The following TMEM268 variants were observed in gnomAD, a reference collection of about 807,000 sequenced individuals.
TMEM268 encodes the protein transmembrane protein C9orf91.
Under a neutral mutation model 39.1 loss-of-function variants are expected in TMEM268, and 24 were observed. The ratio of observed to expected loss-of-function variants is 0.61; its 90% CI spans 0.44 to 0.86. The LOEUF (loss-of-function observed/expected upper bound fraction) is 0.86. TMEM268 is among the 40% of genes least tolerant of loss of function. The pLI is 0.00. For synonymous variants in TMEM268, 176 were observed against 173.5 expected (o/e 1.01, Z -0.12); for missense variants, 409 against 428.6 (o/e 0.95, Z 0.40).
At chr9:114,625,263 A>G (rs768111970) in intron 3 of TMEM268, among the ~76,000 whole-genome samples, 1 of 152,104 alleles carries the variant, frequency 6.6e-6, no homozygotes, top group East Asian at 1.9e-4. Context: ...TGCTCAATAC[A>G]TTGTAGCTAT....
In TMEM268 at chr9:114,617,209, C is replaced by G; in HGVS notation, c.14C>G (p.Pro5Arg). ...TGGCGCCCTGCCATGGCCTGTGAAC[C>G]ACAGGTGGACCCGGGGGCCACTGGC... is the stretch of plus-strand genomic sequence containing the variant. MACE[P>R]QVDPGATGPL... Residue 5 changes from proline (P) to arginine (R), a missense_variant, in exon 2 of 9, where the codon CCA becomes CGA. Pro to Arg is a moderately radical substitution (Grantham distance 103). Transcript: ENST00000288502. The G allele has an allele frequency of 6.2e-7, 1 of 1,607,504 alleles. No homozygotes were observed. Among genetic ancestry groups the G allele is most frequent in the Non-Finnish European group, 8.5e-7 (1 of 1,177,432 alleles).
chr9:114,606,232 A>G (rs1462512441), upstream of TMEM268, among the ~76,000 whole-genome samples: 1 of 152,178 alleles, frequency 6.6e-6, no homozygotes, highest in Non-Finnish European at 1.5e-5. Flanking sequence ...GTGTAGAAAC[A>G]GATCCCTGAC....
Position 114,643,372 on chromosome 9 carries a change from GC to G in TMEM268, c.*62del, listed in dbSNP as rs1197342868. 2.7e-6 allele frequency: 4 copies of G among 1,499,450 alleles called. No homozygotes were observed. The African/African-American group carries it at 5.5e-5, about 21-fold the overall frequency. 92.9% of individuals were successfully genotyped at this position (1,499,450 alleles called of 1,614,324 possible). ...CTGAGCAGTCAGGAAGGCTTCAGGA[GC>G]CCAAGATGGCCAATGGGGAGCCCCA... is the stretch of plus-strand genomic sequence containing the variant. On this transcript the variant is annotated 3_prime_UTR_variant, in exon 9 of 9. Coordinates refer to ENST00000288502, the MANE Select transcript of TMEM268 (RefSeq NM_153045.4).
chr9:114,625,234 G>T (rs1412855469), intron 3 of TMEM268, among the ~76,000 whole-genome samples: 1 of 152,092 alleles, frequency 6.6e-6, no homozygotes, highest in Non-Finnish European at 1.5e-5. Flanking sequence ...CCCTGGCATT[G>T]TCTCTAGTAT....
At chr9:114,629,670 C>G (rs1423026935) in intron 5 of TMEM268, among the ~76,000 whole-genome samples, 1 of 152,220 alleles carries the variant, frequency 6.6e-6, no homozygotes, top group Non-Finnish European at 1.5e-5. Context: ...TGTCTTTCCA[C>G]CTACTTGGGA....
intron 6 of TMEM268, among the ~76,000 whole-genome samples, chr9:114,635,913 A>G (rs892030899): frequency 2.6e-5 from 4 of 152,192 alleles, no homozygotes; most frequent in Non-Finnish European, 5.9e-5. Flanking sequence ...CTACTTCTGA[A>G]TATGCTAGGA....
chr9:114,627,109 G>A, intron 4 of TMEM268, 103 bp downstream of exon 4: 1 of 792,654 alleles, frequency 1.3e-6, no homozygotes, highest in African/African-American at 1.7e-5. Context: ...TCAGGGGCTT[G>A]GGGGCTGTTG....
At chr9:114,619,868 CT>C (rs34823015) in intron 2 of TMEM268, among the ~76,000 whole-genome samples, 2,327 of 151,064 alleles carry the variant, frequency 0.015, 75 homozygotes, top group Admixed American at 0.069. Context: ...TATTGTCTGC[CT>C]TTTTTTTTGT....
chr9:114,624,238 G>C (rs1185823160), intron 2 of TMEM268, 112 bp from the exon 3 acceptor site: 2 of 1,494,084 alleles, frequency 1.3e-6, no homozygotes, highest in East Asian at 5.2e-5. Context: ...GTCCCTCCTT[G>C]TTGCGAGGAG....
chr9:114,630,069 G>T (rs1408854651), intron 5 of TMEM268, among the ~76,000 whole-genome samples: 1 of 152,192 alleles, frequency 6.6e-6, no homozygotes, highest in Non-Finnish European at 1.5e-5. Flanking sequence ...GGTGCTTCGA[G>T]GATGTGGATG....
intron 5 of TMEM268, 35 bp downstream of exon 5, chr9:114,628,285 C>T (rs1480031202): frequency 6.2e-7 from 1 of 1,607,590 alleles, no homozygotes; most frequent in Admixed American, 1.7e-5. Flanking sequence ...ACACTCTCTC[C>T]AGAAGAGCGG....
At chr9:114,629,625 C>G (rs1357720524) in intron 5 of TMEM268, among the ~76,000 whole-genome samples, 1 of 152,222 alleles carries the variant, frequency 6.6e-6, no homozygotes, top group Non-Finnish European at 1.5e-5. Flanking sequence ...ATTTAGACAT[C>G]TTTGGGGACC....
At position 114,628,108 on chromosome 9, in the gene TMEM268, A is replaced by C; in HGVS notation, c.332A>C (p.Tyr111Ser). 1 of 1,613,440 alleles carries C rather than the reference A, an allele frequency of 6.2e-7. No homozygotes were observed. The highest frequency in any genetic ancestry group is 8.5e-7 in the Non-Finnish European group (1 of 1,179,444). The change falls in exon 5 of 9, where the codon TAT (tyrosine) becomes TCT (serine). Residue 111 changes from tyrosine (Y) to serine (S), a missense_variant. Tyr to Ser is a moderately radical substitution (Grantham distance 144). Transcript: ENST00000288502. ...CTGTCTGGCATCTTGCAGGTTTTCTATGTGGTGGTGTGGGCCAATATCTAC... is the reference window on the plus strand; with the variant it reads ...CTGTCTGGCATCTTGCAGGTTTTCTCTGTGGTGGTGTGGGCCAATATCTAC... Reference protein sequence around the residue: ...PMRLAFAVVFYVVVWANIYST... With the variant: ...PMRLAFAVVFSVVVWANIYST...
At chr9:114,623,424 G>A (rs536841247) in intron 2 of TMEM268, among the ~76,000 whole-genome samples, 4 of 152,322 alleles carry the variant, frequency 2.6e-5, no homozygotes, top group Admixed American at 2.6e-4. Flanking sequence ...GGGATTATAG[G>A]TGTGAGCCAT....
chr9:114,641,749 C>T (rs1245352711), intron 8 of TMEM268, among the ~76,000 whole-genome samples: 1 of 152,154 alleles, frequency 6.6e-6, no homozygotes, highest in African/African-American at 2.4e-5. Flanking sequence ...GATTCTCCTG[C>T]CTCAACCTCC....
At chr9:114,607,447 A>C (rs1589318105), upstream of TMEM268, among the ~76,000 whole-genome samples, 2 of 152,096 alleles carry the variant, frequency 1.3e-5, no homozygotes, top group African/African-American at 4.8e-5. Context: ...CTTGAGCTCA[A>C]GAGTTCGAGA....
chr9:114,617,841 G>A (rs1845793185), intron 2 of TMEM268, among the ~76,000 whole-genome samples: 1 of 152,054 alleles, frequency 6.6e-6, no homozygotes, highest in African/African-American at 2.4e-5. Flanking sequence ...CAAAGTGCTG[G>A]GGTTACAGGA....
At chr9:114,628,077 T>C (rs759368676) in intron 4 of TMEM268, 24 bp from the exon 5 acceptor site, 10 of 1,610,336 alleles carry the variant, frequency 6.2e-6, no homozygotes, top group Non-Finnish European at 7.6e-6. Flanking sequence ...TTCCTGACCA[T>C]GCTCTCTGTC....
rs1827537552 is a variant in TMEM268 at position 114,645,426 on chromosome 9, G to T, written c.*2113G>T. The T allele has an allele frequency of 6.6e-6, 1 of 152,378 alleles. No homozygotes were observed. The highest frequency in any genetic ancestry group is 2.4e-5 in the African/African-American group (1 of 41,468). 9.4% of individuals were successfully genotyped at this position (152,378 alleles called of 1,614,324 possible). ...ACACGTGGCTTGCCATTCAAGAGATGAGTCTGACCATTCACTTTCTGTGTG... is the reference window on the plus strand; with the variant it reads ...ACACGTGGCTTGCCATTCAAGAGATTAGTCTGACCATTCACTTTCTGTGTG... On this transcript the variant is annotated 3_prime_UTR_variant, in exon 9 of 9. Coordinates refer to ENST00000288502, the MANE Select transcript of TMEM268 (RefSeq NM_153045.4).
Sources: allele counts gnomAD v4.1 joint callset (sites outside exome capture counted in the v4.1 genomes callset), GRCh38; gene constraint gnomAD v4.1.1; transcripts MANE v1.5; gene names NCBI Gene and HGNC (gene_info 2026-07-23, HGNC 2026-07-21).